KLHL24: variants seen among roughly 807,000 people sequenced by gnomAD.
KLHL24 encodes kelch-like protein 24.
Under a neutral mutation model 53.4 loss-of-function variants are expected in KLHL24, and 29 were observed. The observed-to-expected ratio is 0.54, with a 90% CI of 0.40 to 0.74. The LOEUF (loss-of-function observed/expected upper bound fraction) is 0.74. Among genes scored for constraint, KLHL24 ranks in the 30% least tolerant of loss-of-function variants. The pLI is 0.00. For missense variants in KLHL24, 504 were observed against 744.0 expected (o/e 0.68, Z 3.75); for synonymous variants, 222 against 253.7 (o/e 0.88, Z 1.19).
In KLHL24 at chr3:183,663,723, A is replaced by T; in HGVS notation, c.1105+81A>T. 1.3e-6 allele frequency: 1 copy of T among 749,832 alleles called. No individual in the cohort carries two copies. The highest frequency in any genetic ancestry group is 2.0e-6 in the Non-Finnish European group (1 of 497,906). 46.4% of individuals were successfully genotyped at this position (749,832 alleles called of 1,614,324 possible). A position where few individuals can be genotyped will look rare whatever the true frequency, so the allele number is the denominator to read the frequency against. On this transcript the variant is annotated intron_variant, in intron 4 of 7. Transcript: ENST00000242810. This position sits in a 1 kb window ranked among gnomAD's most constrained non-coding sequence, Gnocchi z 4.9. The stretch of plus-strand genomic sequence containing the variant: ...TTAAACATCAACAGTGTCTTAAAAT[A>T]GTGAAATGTGAATACTCCCACTTGA...
At chr3:183,668,213 C>T (rs746517379) in intron 5 of KLHL24, among the ~76,000 whole-genome samples, 5 of 151,570 alleles carry the variant, frequency 3.3e-5, no homozygotes, top group Non-Finnish European at 5.9e-5. Flanking sequence ...TCAAGAAGGA[C>T]AAAATATTAC....
Position 183,650,794 on chromosome 3 carries a change from T to A in KLHL24, c.438T>A (p.Phe146Leu). The change falls in exon 3 of 8, where the codon TTT becomes TTA. Residue 146 changes from phenylalanine (F) to leucine (L), a missense_variant. Transcript: ENST00000242810. This position sits in a 1 kb window ranked among gnomAD's most constrained non-coding sequence, Gnocchi z 4.5. The stretch of plus-strand genomic sequence containing the variant: ...ATCTCTTTGAGACATCAAGCCTCTT[T>A]CAGATTAGTGTTCTCCGTGATGCAT... ...VQYLFETSSL[F>L]QISVLRDACA... is the part of the protein sequence containing the mutation. 2 of 1,614,072 alleles carry A rather than the reference T, an allele frequency of 1.2e-6. No individual in the cohort carries two copies. Among genetic ancestry groups the A allele is most frequent in the South Asian group, 1.1e-5 (1 of 91,080 alleles).
intron 2 of KLHL24, among the ~76,000 whole-genome samples, chr3:183,646,761 G>A (rs2108781742): frequency 6.6e-6 from 1 of 152,190 alleles, no homozygotes; most frequent in African/African-American, 2.4e-5. Flanking sequence ...CATATTGTCT[G>A]TGCTACTTTA....
At chr3:183,646,952 G>A (rs1011640240) in intron 2 of KLHL24, among the ~76,000 whole-genome samples, 5 of 150,702 alleles carry the variant, frequency 3.3e-5, no homozygotes, top group Non-Finnish European at 5.9e-5. Flanking sequence ...TGGGACTACA[G>A]GCGCCTGCCA....
intron 3 of KLHL24, among the ~76,000 whole-genome samples, chr3:183,655,260 C>T (rs191338181): frequency 1.3e-5 from 2 of 152,208 alleles, no homozygotes; most frequent in East Asian, 1.9e-4. Context: ...GATAATCTGC[C>T]CTGCCAGTTG....
chr3:183,657,075 C>A (rs1719013921), intron 3 of KLHL24, among the ~76,000 whole-genome samples: 1 of 149,038 alleles, frequency 6.7e-6, no homozygotes, highest in African/African-American at 2.5e-5. Flanking sequence ...TAGTGTGGTT[C>A]TGATGCTGCT....
intron 3 of KLHL24, among the ~76,000 whole-genome samples, chr3:183,654,978 A>G (rs1458053276): frequency 2.0e-5 from 3 of 152,218 alleles, no homozygotes; most frequent in Non-Finnish European, 4.4e-5. Context: ...TCCCACCATT[A>G]GTGATGCAGA....
chr3:183,675,635 TA>T (rs1315390243), intron 7 of KLHL24, among the ~76,000 whole-genome samples: 2 of 152,036 alleles, frequency 1.3e-5, no homozygotes, highest in Non-Finnish European at 2.9e-5. Flanking sequence ...GCATTTTTAT[TA>T]AGAATTACTG....
chr3:183,660,131 CTTTTTT>C (rs11366516), intron 3 of KLHL24, among the ~76,000 whole-genome samples: 4 of 135,428 alleles, frequency 3.0e-5, no homozygotes, highest in South Asian at 2.4e-4. Context: ...GTTTTTCTTT[CTTTTTT>C]TTTTTTTTTT....
intron 3 of KLHL24, among the ~76,000 whole-genome samples, chr3:183,662,997 A>C (rs1288007534): frequency 6.6e-6 from 1 of 152,198 alleles, no homozygotes; most frequent in Non-Finnish European, 1.5e-5. Context: ...ATATTCCTTT[A>C]AAGGGTGCTT....
At chr3:183,657,867 T>A (rs2108820687) in intron 3 of KLHL24, among the ~76,000 whole-genome samples, 1 of 152,332 alleles carries the variant, frequency 6.6e-6, no homozygotes, top group East Asian at 1.9e-4. Flanking sequence ...AACCATTGAT[T>A]CTGCTTTCAA....
chr3:183,679,560 A>G lies in KLHL24; in HGVS notation c.*274A>G. 2.8e-6 allele frequency: 1 copy of G among 362,500 alleles called. No individual in the cohort carries two copies. Among genetic ancestry groups the G allele is most frequent in the Non-Finnish European group, 5.0e-6 (1 of 198,788 alleles). The allele number at this position is 362,500 out of a possible 1,614,324, so 22.5% of individuals were successfully genotyped here. On this transcript the variant is annotated 3_prime_UTR_variant, in exon 8 of 8. Coordinates refer to ENST00000242810, the MANE Select transcript of KLHL24 (RefSeq NM_017644.3). The stretch of plus-strand genomic sequence containing the variant: ...TAAGTATTTGTAAGAAGTCTATGTG[A>G]ATTAGGAAATGTCTGTCTGCATACC...
intron 5 of KLHL24, among the ~76,000 whole-genome samples, chr3:183,666,207 A>G (rs1390512510): frequency 6.6e-6 from 1 of 151,998 alleles, no homozygotes; most frequent in Non-Finnish European, 1.5e-5. Context: ...AAAAGCAACT[A>G]CAGGTGGAGT....
At chr3:183,669,506 CT>C (rs1442332181) in intron 5 of KLHL24, among the ~76,000 whole-genome samples, 1 of 152,116 alleles carries the variant, frequency 6.6e-6, no homozygotes, top group Non-Finnish European at 1.5e-5. Context: ...GCTGTGTGGA[CT>C]TTTGTAAGTT....
intron 7 of KLHL24, among the ~76,000 whole-genome samples, chr3:183,677,980 A>T (rs1026920580): frequency 1.3e-5 from 2 of 152,110 alleles, no homozygotes; most frequent in African/African-American, 4.8e-5. Flanking sequence ...TTTAGTAGAG[A>T]TGGTGTTTCA....
At chr3:183,668,937 A>G (rs1021781987) in intron 5 of KLHL24, among the ~76,000 whole-genome samples, 3 of 152,006 alleles carry the variant, frequency 2.0e-5, no homozygotes, top group African/African-American at 7.2e-5. Context: ...GGAAGGGATG[A>G]TGGAATAATG....
In KLHL24 at chr3:183,681,898, ATATGTACATGTGTATGTATGTAGATAG is replaced by A. The variant is rs545886477; in HGVS notation, c.*2617_*2643del. ...TATGAACCTTTGGTTTAGAATCTATATATGTACATGTGTATGTATGTAGATAGTATGGTTGTATACACACATATATAC... is the reference window on the plus strand; with the variant it reads ...TATGAACCTTTGGTTTAGAATCTATATATGGTTGTATACACACATATATAC... On this transcript the variant is annotated 3_prime_UTR_variant, in exon 8 of 8. Transcript: ENST00000242810. 1,211 of 152,622 alleles carry A rather than the reference ATATGTACATGTGTATGTATGTAGATAG, an allele frequency of 7.9e-3. 13 individuals carry two copies. Among genetic ancestry groups the A allele is most frequent in the African/African-American group, 0.028 (1,163 of 41,530 alleles). 9.5% of individuals were successfully genotyped at this position (152,622 alleles called of 1,614,324 possible). A position where few individuals can be genotyped will look rare whatever the true frequency, so the allele number is the denominator to read the frequency against.
chr3:183,671,283 G>A (rs916118959), intron 6 of KLHL24, 61 bp downstream of exon 6: 12 of 1,463,870 alleles, frequency 8.2e-6, no homozygotes, highest in Non-Finnish European at 1.1e-5. Flanking sequence ...AATACAGAAG[G>A]CTTATCAAGT....
chr3:183,637,096 C>T (rs1715417154), intron 1 of KLHL24, among the ~76,000 whole-genome samples: 1 of 152,164 alleles, frequency 6.6e-6, no homozygotes, highest in African/African-American at 2.4e-5. Flanking sequence ...CTTAGGGGGC[C>T]CCACGGTCAC....
Sources: gnomAD v4.1 joint callset for allele counts (sites outside exome capture counted in the v4.1 genomes callset) on GRCh38, gnomAD v4.1.1 for gene constraint, Gnocchi (gnomAD v3.1) non-coding constraint, MANE v1.5 for transcripts, NCBI Gene and HGNC (gene_info 2026-07-23, HGNC 2026-07-21) for gene names.